Variants in PRPF3 observed in about 807,000 individuals in gnomAD.
PRPF3 encodes U4/U6 small nuclear ribonucleoprotein Prp3.
A neutral mutation model predicts 89.2 loss-of-function variants in PRPF3; 3 were observed. The ratio of observed to expected loss-of-function variants is 0.03; its 90% confidence interval spans 0.02 to 0.09. The LOEUF is 0.09. Ranked by LOEUF, PRPF3 falls within the 10% of genes least tolerant of loss-of-function variation. The pLI, the probability that PRPF3 is intolerant of heterozygous loss-of-function variation, is 1.00. For missense variants in PRPF3, 463 were observed against 828.8 expected, an observed-to-expected ratio of 0.56 and a Z score of 5.42; for synonymous variants, 270 against 289.1, an observed-to-expected ratio of 0.93 and a Z score of 0.67.
At chr1:150,347,708 A>G (rs1658438813) in intron 14 of PRPF3, among the ~76,000 whole-genome samples, 1 of 151,948 alleles carries the variant, frequency 6.6e-6, no homozygotes, top group Non-Finnish European at 1.5e-5. Context: ...AGCCTAAGCG[A>G]CAGAGCAAGA....
At chr1:150,332,657 T>A (rs1553865917) in intron 4 of PRPF3, 27 bp from the exon 5 acceptor site, 1 of 1,609,710 alleles carries the variant, frequency 6.2e-7, no homozygotes, top group East Asian at 2.2e-5. Flanking sequence ...AAATTAACAG[T>A]TTTTCAATTT....
intron 3 of PRPF3, among the ~76,000 whole-genome samples, chr1:150,326,438 T>G (rs943342994): frequency 2.6e-5 from 4 of 152,212 alleles, no homozygotes; most frequent in African/African-American, 9.6e-5. Context: ...CAGTACCCCC[T>G]TAACTACTAC....
rs1467846345 is a variant in PRPF3 at position 150,338,495 on chromosome 1, G to GTATTTTTTTTTTTTTTTTT, written c.1202+170_1202+171insATTTTTTTTTTTTTTTTTT. ...GATAAGTAACTGTACACAAGGTCCT[G>GTATTTTTTTTTTTTTTTTT]TTATTTTTTTTTTTTTTTTTTTTGA... is the stretch of plus-strand genomic sequence containing the variant. On this transcript the variant is annotated intron_variant, in intron 8 of 15. Transcript: ENST00000324862. Among the ~76,000 whole-genome samples the GTATTTTTTTTTTTTTTTTT allele has an allele frequency of 1.1e-4, 4 of 35,760 alleles. 2 individuals carry two copies. The highest frequency in any genetic ancestry group is 1.2e-4 in the Non-Finnish European group (2 of 17,264). The allele number at this position is 35,760 out of a possible 152,430, so 23.5% of individuals were successfully genotyped here.
Position 150,353,212 on chromosome 1 carries a change from TCA to T in PRPF3, c.*238_*239del, listed in dbSNP as rs1553874831. ...ATTTTTAAACTTGGTGTGATATTTT[TCA>T]CACATTCGTAAGTATTAGAGTTTGG... On this transcript the variant is annotated 3_prime_UTR_variant, in exon 16 of 16. Transcript: ENST00000324862. 5.5e-6 allele frequency: 3 copies of T among 549,876 alleles called. No individual in the cohort carries two copies. The African/African-American group carries it at 5.7e-5, about 10-fold the overall frequency. The allele number at this position is 549,876 out of a possible 1,614,324, so 34.1% of individuals were successfully genotyped here. A position where few individuals can be genotyped will look rare whatever the true frequency, so the allele number is the denominator to read the frequency against.
intron 14 of PRPF3, among the ~76,000 whole-genome samples, chr1:150,346,997 G>A (rs1431022538): frequency 1.3e-5 from 2 of 152,078 alleles, no homozygotes; most frequent in Non-Finnish European, 2.9e-5. Context: ...AAGCTGAGGT[G>A]GGAGGATCAC....
intron 9 of PRPF3, among the ~76,000 whole-genome samples, chr1:150,342,730 C>A (rs1310671146): frequency 2.7e-5 from 4 of 150,774 alleles, no homozygotes; most frequent in Non-Finnish European, 5.9e-5. Flanking sequence ...ACCATGTTGG[C>A]CAGGCTGGTC....
At position 150,346,009 on chromosome 1, in the gene PRPF3, C is replaced by G; in HGVS notation, c.1641-9C>G. On this transcript the variant is annotated splice_polypyrimidine_tract_variant and intron_variant, in intron 12 of 15. Transcript: ENST00000324862. ...AATGGAAGACATAACTAAACTTTCC[C>G]TTCTCCAGAGTTCGAAATTTGAGCA... The G allele has an allele frequency of 2.5e-6, 4 of 1,609,002 alleles. No homozygotes were observed. The highest frequency in any genetic ancestry group is 3.4e-6 in the Non-Finnish European group (4 of 1,175,560).
At chr1:150,340,847 T>C (rs1657617853) in intron 9 of PRPF3, among the ~76,000 whole-genome samples, 1 of 152,184 alleles carries the variant, frequency 6.6e-6, no homozygotes, top group South Asian at 2.1e-4. Context: ...TGGTGGCTTA[T>C]GCCTGTAATC....
intron 14 of PRPF3, among the ~76,000 whole-genome samples, chr1:150,347,368 T>C (rs782262516): frequency 2.0e-5 from 3 of 151,864 alleles, no homozygotes; most frequent in Non-Finnish European, 4.4e-5. Flanking sequence ...CTCACACATA[T>C]GCTCTTCAAC....
Position 150,346,584 on chromosome 1 carries a change from C to G in PRPF3, c.1843+93C>G. 4 of 1,255,448 alleles carry G rather than the reference C, an allele frequency of 3.2e-6. No homozygotes were observed. In the Middle Eastern group the frequency reaches 6.4e-4, roughly 202 times the overall value. 77.8% of individuals were successfully genotyped at this position (1,255,448 alleles called of 1,614,324 possible). The stretch of plus-strand genomic sequence containing the variant: ...CATCTTATTTCCTCCCTGTGACACT[C>G]TTGATAACACTAGATAGTGTTCAGG... On this transcript the variant is annotated intron_variant, in intron 14 of 15. Coordinates refer to ENST00000324862, the MANE Select transcript of PRPF3 (RefSeq NM_004698.4).
intron 9 of PRPF3, among the ~76,000 whole-genome samples, chr1:150,341,455 C>T (rs1480194563): frequency 7.6e-6 from 1 of 132,060 alleles, no homozygotes; most frequent in Non-Finnish European, 1.5e-5. Flanking sequence ...GTCCAGGCTG[C>T]AGTGCAACGG....
At chr1:150,326,461 G>T (rs923345936) in intron 3 of PRPF3, among the ~76,000 whole-genome samples, 6 of 151,992 alleles carry the variant, frequency 3.9e-5, no homozygotes, top group Non-Finnish European at 7.4e-5. Flanking sequence ...TTTTTATTCT[G>T]TAGTTGCCGA....
intron 9 of PRPF3, among the ~76,000 whole-genome samples, chr1:150,341,794 C>G (rs587709426): frequency 5.5e-4 from 84 of 151,694 alleles, no homozygotes; most frequent in African/African-American, 1.1e-3. Flanking sequence ...CTTTCACCCC[C>G]CTGGGTTGAA....
At chr1:150,336,498 C>T (rs931014694) in intron 7 of PRPF3, among the ~76,000 whole-genome samples, 1 of 152,150 alleles carries the variant, frequency 6.6e-6, no homozygotes, top group East Asian at 1.9e-4. Context: ...TGGCTCAAGC[C>T]TGTAATCCCA....
chr1:150,321,997 C>A (rs903203185), intron 1 of PRPF3, among the ~76,000 whole-genome samples: 5 of 152,058 alleles, frequency 3.3e-5, no homozygotes, highest in Non-Finnish European at 7.4e-5. Flanking sequence ...GAGGAGAGAT[C>A]ATTGTACCTC....
At position 150,353,139 on chromosome 1, in the gene PRPF3, G is replaced by T. The variant is rs995681414; in HGVS notation, c.*160G>T. Reference sequence around the variant, plus strand: ...AATATCTTGCTCCCCTCCTGAGTCAGCCTGGTGTTGCCCTTTATTCCCCTT... The same window carrying T: ...AATATCTTGCTCCCCTCCTGAGTCATCCTGGTGTTGCCCTTTATTCCCCTT... On this transcript the variant is annotated 3_prime_UTR_variant, in exon 16 of 16. Coordinates refer to ENST00000324862, the MANE Select transcript of PRPF3 (RefSeq NM_004698.4). 4 of 881,150 alleles carry T rather than the reference G, an allele frequency of 4.5e-6. No homozygotes were observed. In the Admixed American group the frequency reaches 7.9e-5, roughly 17 times the overall value. 54.6% of individuals were successfully genotyped at this position (881,150 alleles called of 1,614,324 possible). A position where few individuals can be genotyped will look rare whatever the true frequency, so the allele number is the denominator to read the frequency against.
chr1:150,330,390 C>G (rs1442227488), intron 4 of PRPF3: 1 of 150,528 alleles, frequency 6.6e-6, no homozygotes, highest in Non-Finnish European at 1.5e-5. Context: ...GAGTCTTGCT[C>G]TGTCACTTAG....
chr1:150,324,080 G>A (rs1230450612), intron 1 of PRPF3, among the ~76,000 whole-genome samples: 3 of 151,996 alleles, frequency 2.0e-5, no homozygotes, highest in African/African-American at 7.2e-5. Flanking sequence ...CGCCCGGCCA[G>A]AACATTCTTA....
chr1:150,327,796 G>C, intron 3 of PRPF3: 1 of 247,494 alleles, frequency 4.0e-6, no homozygotes, highest in Non-Finnish European at 6.5e-6. Context: ...GAAGAAGAAA[G>C]AGAAAGCCCC....
Sources: allele counts gnomAD v4.1 joint callset (sites outside exome capture counted in the v4.1 genomes callset), GRCh38; gene constraint gnomAD v4.1.1; transcripts MANE v1.5; gene names NCBI Gene and HGNC (gene_info 2026-07-23, HGNC 2026-07-21).